CLPTM1: variants seen among roughly 807,000 people sequenced by gnomAD.
CLPTM1 encodes CLPTM1 regulator of GABA type A receptor forward trafficking.
Under a neutral mutation model 77.3 loss-of-function variants are expected in CLPTM1, and 21 were observed. That is an observed-to-expected ratio of 0.27 (90% CI 0.19 to 0.39). The LOEUF is 0.39. Ranked by LOEUF, CLPTM1 falls within the 10% of genes least tolerant of loss-of-function variation. The probability of loss-of-function intolerance (pLI) is 1.00; values close to 1 mark genes in which losing one functional copy is unlikely to be tolerated. For synonymous variants in CLPTM1, 373 were observed against 381.0 expected (o/e 0.98, Z 0.24); for missense variants, 642 against 921.2 (o/e 0.70, Z 3.92).
At chr19:44,988,603 C>G (rs947222523) in intron 9 of CLPTM1, among the ~76,000 whole-genome samples, 3 of 152,240 alleles carry the variant, frequency 2.0e-5, no homozygotes, top group Non-Finnish European at 4.4e-5. Context: ...TAAGGCTGAC[C>G]ATACTGATGG....
upstream of CLPTM1, chr19:44,955,185 G>A: frequency 6.5e-7 from 1 of 1,534,564 alleles, no homozygotes; most frequent in Non-Finnish European, 8.7e-7. Context: ...TTTATTAGGT[G>A]GAAACAAACG....
chr19:44,969,687 C>CT (rs11330180), intron 2 of CLPTM1, among the ~76,000 whole-genome samples: 14,165 of 132,444 alleles, frequency 0.11, 943 homozygotes, highest in South Asian at 0.23. Flanking sequence ...TTTAAGGACA[C>CT]TTTTTTTTTT....
At chr19:44,987,594 C>G (rs1173170676) in intron 8 of CLPTM1, 171 bp downstream of exon 8, 4 of 867,212 alleles carry the variant, frequency 4.6e-6, no homozygotes, top group Non-Finnish European at 7.0e-6. Flanking sequence ...GGCACCCAGC[C>G]CTCCAGCCCT....
At chr19:44,972,018 G>A (rs112518299) in intron 2 of CLPTM1, among the ~76,000 whole-genome samples, 52 of 150,402 alleles carry the variant, frequency 3.5e-4, no homozygotes, top group Admixed American at 1.6e-3. Context: ...CTAGAGGCAC[G>A]CACCACCAGG....
intron 4 of CLPTM1, among the ~76,000 whole-genome samples, chr19:44,976,544 C>T (rs975196658): frequency 2.6e-5 from 4 of 152,188 alleles, no homozygotes; most frequent in African/African-American, 9.7e-5. Flanking sequence ...CAACTGAATT[C>T]GAGCTCTGCA....
rs746245163 is a variant in CLPTM1 at position 44,990,637 on chromosome 19, T to C, written c.1323+52T>C. On this transcript the variant is annotated intron_variant, in intron 10 of 13. Coordinates refer to ENST00000337392, the MANE Select transcript of CLPTM1 (RefSeq NM_001294.4). This position sits in a 1 kb window ranked among gnomAD's most constrained non-coding sequence, Gnocchi z 4.8. The stretch of plus-strand genomic sequence containing the variant: ...GGGAGCTGCAGGGGTTGGGAGGGGG[T>C]AGTGTGGCCCAGCTGGACCCTGGAG... The C allele has an allele frequency of 1.9e-6, 3 of 1,584,508 alleles. No homozygotes were observed. Among genetic ancestry groups the C allele is most frequent in the Admixed American group, 1.7e-5 (1 of 59,094 alleles).
At chr19:44,964,249 C>CTGA (rs2085528448) in intron 2 of CLPTM1, among the ~76,000 whole-genome samples, 1 of 146,420 alleles carries the variant, frequency 6.8e-6, no homozygotes, top group Non-Finnish European at 1.5e-5. Context: ...CAGCCCACAT[C>CTGA]TGCACATAAC....
chr19:44,960,656 G>A (rs572941651), intron 1 of CLPTM1, among the ~76,000 whole-genome samples: 6 of 152,328 alleles, frequency 3.9e-5, no homozygotes, highest in African/African-American at 1.4e-4. Flanking sequence ...GCTATCTGGT[G>A]GGTAAGGTGA....
chr19:44,992,273 G>A lies in CLPTM1; in HGVS notation c.1596G>A (p.Lys532=). 6.2e-7 allele frequency: 1 copy of A among 1,614,072 alleles called. No homozygotes were observed. Among genetic ancestry groups the A allele is most frequent in the Non-Finnish European group, 8.5e-7 (1 of 1,179,976 alleles). ...TMTPQLFINY[K]LKSVAHLPWR... ...CGCCCCAGCTCTTCATCAACTACAA[G>A]CTCAAGTCTGTGGCCCACCTTCCCT... Residue 532 remains lysine (K), a synonymous_variant, in exon 13 of 14, where the codon AAG becomes AAA. Transcript: ENST00000337392. The surrounding 1 kb of genome is among the most constrained non-coding windows in gnomAD (Gnocchi z 7.7).
At chr19:44,985,359 C>A in intron 6 of CLPTM1, 56 bp downstream of exon 6, 1 of 1,213,800 alleles carries the variant, frequency 8.2e-7, no homozygotes, top group Non-Finnish European at 1.2e-6. Flanking sequence ...ATTCACAGCT[C>A]ATCCCAGACC....
At position 44,990,638 on chromosome 19, in the gene CLPTM1, A is replaced by T; in HGVS notation, c.1323+53A>T. On this transcript the variant is annotated intron_variant, in intron 10 of 13. Coordinates refer to ENST00000337392, the MANE Select transcript of CLPTM1 (RefSeq NM_001294.4). This position sits in a 1 kb window ranked among gnomAD's most constrained non-coding sequence, Gnocchi z 4.8. ...GGAGCTGCAGGGGTTGGGAGGGGGT[A>T]GTGTGGCCCAGCTGGACCCTGGAGC... The T allele has an allele frequency of 3.8e-6, 6 of 1,582,660 alleles. No homozygotes were observed. Among genetic ancestry groups the T allele is most frequent in the Non-Finnish European group, 5.2e-6 (6 of 1,157,314 alleles).
rs752680864 is a variant in CLPTM1, at chr19:44,973,170, G to A, written c.269G>A (p.Arg90His). ...QDQAGPGGAP[R>H]VASRNLFPKD... is the part of the protein sequence containing the mutation. The stretch of plus-strand genomic sequence containing the variant: ...CAGGCGGGCCCCGGAGGAGCTCCAC[G>A]CGTCGCCAGCCGCAACCTGTTCCCC... Residue 90 changes from arginine to histidine, a missense_variant, in exon 3 of 14, where the codon CGC becomes CAC. By Grantham distance (29) the Arg-to-His change is conservative. Around this residue, in one of 2 missense-constraint regions of CLPTM1, gnomAD observed 521 missense variants for 800.4 expected, o/e 0.65. Transcript: ENST00000337392. The A allele has an allele frequency of 3.7e-6, 6 of 1,613,964 alleles. No homozygotes were observed. In the Admixed American group the frequency reaches 5.0e-5, roughly 13 times the overall value.
Position 44,985,288 on chromosome 19 carries a change from C to A in CLPTM1, c.657C>A (p.Asp219Glu), listed in dbSNP as rs375955885. The A allele has an allele frequency of 6.2e-7, 1 of 1,612,506 alleles. No individual in the cohort carries two copies. Among genetic ancestry groups the A allele is most frequent in the South Asian group, 1.1e-5 (1 of 91,018 alleles). ...TGCTGACAGGAGAGACAGAAGCGGA[C>A]CCAGAAATGATCAAGGTAAATGGGC... ...KNLLTGETEA[D>E]PEMIKRAEDY... The change falls in exon 6 of 14, where the codon GAC (aspartate) becomes GAA (glutamate). Residue 219 changes from aspartate to glutamate, a missense_variant. Around this residue, in one of 2 missense-constraint regions of CLPTM1, gnomAD observed 521 missense variants for 800.4 expected, o/e 0.65. Transcript: ENST00000337392.
chr19:44,981,991 A>G (rs1378690792), intron 5 of CLPTM1, among the ~76,000 whole-genome samples: 1 of 152,150 alleles, frequency 6.6e-6, no homozygotes, highest in Non-Finnish European at 1.5e-5. Context: ...TCGTTTCAAC[A>G]TATGATCAGT....
At chr19:44,989,430 T>C (rs1233959907) in intron 9 of CLPTM1, among the ~76,000 whole-genome samples, 1 of 152,074 alleles carries the variant, frequency 6.6e-6, no homozygotes, top group Non-Finnish European at 1.5e-5. Flanking sequence ...AAGGAGAGGC[T>C]TGGGCCCAAC....
intron 6 of CLPTM1, among the ~76,000 whole-genome samples, chr19:44,986,051 T>C (rs1425918995): frequency 6.6e-6 from 1 of 152,128 alleles, no homozygotes; most frequent in African/African-American, 2.4e-5. Context: ...GTGGCTGATA[T>C]TCTGCTGCCA....
At chr19:44,955,216 C>T, upstream of CLPTM1, 1 of 1,524,756 alleles carries the variant, frequency 6.6e-7, no homozygotes. Context: ...AAGACGAGTA[C>T]GGTGGCCAGG....
At chr19:44,961,932 C>T in intron 1 of CLPTM1, 31 bp from the exon 2 acceptor site, 1 of 1,482,114 alleles carries the variant, frequency 6.7e-7, no homozygotes, top group Non-Finnish European at 9.1e-7. Context: ...TGTCCATTCT[C>T]CCTCCTTACC....
intron 2 of CLPTM1, among the ~76,000 whole-genome samples, chr19:44,970,127 A>G (rs1163112661): frequency 6.8e-6 from 1 of 147,736 alleles, no homozygotes; most frequent in Non-Finnish European, 1.5e-5. Context: ...ATATTTTCCT[A>G]CAGAGAGGAT....
Sources: gnomAD v4.1 joint callset for allele counts (sites outside exome capture counted in the v4.1 genomes callset) on GRCh38, gnomAD v4.1.1 for gene constraint, gnomAD v4.1.1 regional missense constraint, Gnocchi (gnomAD v3.1) non-coding constraint, MANE v1.5 for transcripts, NCBI Gene and HGNC (gene_info 2026-07-23, HGNC 2026-07-21) for gene names.